Variants in WWC2 observed in about 807,000 individuals in gnomAD.
WWC2 encodes protein WWC2.
WWC2 carries 101 observed loss-of-function variants against 138.5 expected under a neutral mutation model. That is an observed-to-expected ratio of 0.73 (90% CI 0.62 to 0.86). WWC2 has a LOEUF of 0.86. WWC2 is among the 40% of genes least tolerant of loss of function. The pLI, the probability that WWC2 is intolerant of heterozygous loss-of-function variation, is 0.00. For synonymous variants in WWC2, 558 were observed against 538.4 expected (o/e 1.04, Z -0.50); for missense variants, 1,420 against 1,419.4 (o/e 1.00, Z -0.01).
At chr4:183,247,351 T>G (rs1736809745) in intron 6 of WWC2, among the ~76,000 whole-genome samples, 1 of 151,778 alleles carries the variant, frequency 6.6e-6, no homozygotes, top group African/African-American at 2.4e-5. Flanking sequence ...ACAGATGAGT[T>G]TGAAGAACAC....
chr4:183,251,565 A>G (rs940713276), intron 8 of WWC2, among the ~76,000 whole-genome samples: 1 of 151,956 alleles, frequency 6.6e-6, no homozygotes, highest in African/African-American at 2.4e-5. Flanking sequence ...AATTTGGAAC[A>G]CTCCTTCTAA....
intron 5 of WWC2, among the ~76,000 whole-genome samples, chr4:183,240,851 C>T (rs1736595313): frequency 6.6e-6 from 1 of 152,186 alleles, no homozygotes; most frequent in Non-Finnish European, 1.5e-5. Flanking sequence ...GGGCCGTTAG[C>T]AGAGCCCTAA....
intron 17 of WWC2, among the ~76,000 whole-genome samples, chr4:183,282,420 CTA>C (rs1222647382): frequency 6.6e-6 from 1 of 152,176 alleles, no homozygotes; most frequent in African/African-American, 2.4e-5. Flanking sequence ...ACATTAAACT[CTA>C]TAATGTGATT....
intron 1 of WWC2, among the ~76,000 whole-genome samples, chr4:183,163,551 G>A (rs1027529835): frequency 5.3e-5 from 8 of 152,176 alleles, no homozygotes; most frequent in Admixed American, 1.3e-4. Flanking sequence ...AATAACCTGA[G>A]TGCGAAACAG....
chr4:183,286,196 C>T (rs773315393), intron 20 of WWC2, 137 bp downstream of exon 20: 3 of 771,728 alleles, frequency 3.9e-6, no homozygotes, highest in Admixed American at 2.2e-5. Context: ...CACTGGGATA[C>T]ACAGAGACGC....
intron 1 of WWC2, among the ~76,000 whole-genome samples, chr4:183,106,196 C>G (rs901203748): frequency 2.0e-5 from 3 of 151,918 alleles, no homozygotes; most frequent in African/African-American, 7.3e-5. Context: ...GTTGGCCAGG[C>G]TAGTCTCGAA....
chr4:183,167,810 T>G (rs1411589571), intron 1 of WWC2, among the ~76,000 whole-genome samples: 1 of 151,796 alleles, frequency 6.6e-6, no homozygotes, highest in Non-Finnish European at 1.5e-5. Flanking sequence ...GTATCCTGAA[T>G]GCCAGACTAG....
At chr4:183,255,385 T>C (rs1179156015) in intron 9 of WWC2, among the ~76,000 whole-genome samples, 1 of 152,226 alleles carries the variant, frequency 6.6e-6, no homozygotes, top group African/African-American at 2.4e-5. Context: ...TTGTTGCTGT[T>C]GTTTTTCTGA....
chr4:183,298,473 A>T (rs972128778), intron 21 of WWC2, among the ~76,000 whole-genome samples: 1 of 152,212 alleles, frequency 6.6e-6, no homozygotes, highest in African/African-American at 2.4e-5. Flanking sequence ...CAGCAAGGCC[A>T]GGAGACCCAT....
At chr4:183,280,404 A>G (rs916851854) in intron 16 of WWC2, among the ~76,000 whole-genome samples, 15 of 151,948 alleles carry the variant, frequency 9.9e-5, no homozygotes, top group African/African-American at 3.4e-4. Flanking sequence ...CCTGAACTCA[A>G]TTTTAGTCTT....
At chr4:183,247,226 A>G (rs1374719563) in intron 6 of WWC2, among the ~76,000 whole-genome samples, 2 of 151,968 alleles carry the variant, frequency 1.3e-5, no homozygotes, top group African/African-American at 4.8e-5. Flanking sequence ...AATTTCACAG[A>G]AATATGCCTA....
intron 1 of WWC2, among the ~76,000 whole-genome samples, chr4:183,104,629 G>A (rs78624425): frequency 6.6e-6 from 1 of 152,148 alleles, no homozygotes; most frequent in Non-Finnish European, 1.5e-5. Context: ...AATTATTTGA[G>A]TGATTATAGT....
Position 183,284,316 on chromosome 4 carries a change from C to G in WWC2, c.2974C>G (p.Pro992Ala). The G allele has an allele frequency of 1.2e-6, 2 of 1,614,016 alleles. No homozygotes were observed. Among genetic ancestry groups the G allele is most frequent in the Non-Finnish European group, 1.7e-6 (2 of 1,179,888 alleles). ...ERSSLSSRQH[P>A]FVRSSVIVRS... ...CAGCAGCCTGAGCTCTAGACAGCAT[C>G]CGTTTGTGAGGAGCAGTGTGATAGT... Residue 992 changes from proline (P) to alanine (A), a missense_variant, in exon 19 of 23, where the codon CCG (proline) becomes GCG (alanine). By Grantham distance (27) the Pro-to-Ala change is conservative (BLOSUM62 -1). Coordinates refer to ENST00000403733, the MANE Select transcript of WWC2 (RefSeq NM_024949.6).
Position 183,311,267 on chromosome 4 carries a change from A to G in WWC2, c.3385-1074A>G, listed in dbSNP as rs545092699. Among the ~76,000 whole-genome samples the G allele has an allele frequency of 1.1e-4, 16 of 152,370 alleles. 1 individual carries two copies. The South Asian group carries it at 3.3e-3, about 32-fold the overall frequency. On this transcript the variant is annotated intron_variant, in intron 21 of 22. Coordinates refer to ENST00000403733, the MANE Select transcript of WWC2 (RefSeq NM_024949.6). ...TACCCAAATGTTCATTATTACTAAC[A>G]GATGATAAATTGTAGTAAAGTCATA... is the stretch of plus-strand genomic sequence containing the variant.
chr4:183,119,432 A>G (rs1037694632), intron 1 of WWC2, among the ~76,000 whole-genome samples: 3 of 152,268 alleles, frequency 2.0e-5, no homozygotes, highest in Admixed American at 1.3e-4. Flanking sequence ...TCAGGTCACT[A>G]TTGAGAATGA....
Position 183,250,075 on chromosome 4 carries a change from C to G in WWC2, c.953+82C>G, listed in dbSNP as rs538499836. ...ATCTTTACTCCTGTGGTGACATCTG[C>G]TGGGCACTCCCCATACATTCTTACC... On this transcript the variant is annotated intron_variant, in intron 8 of 22. Transcript: ENST00000403733. 289 of 1,262,648 alleles carry G rather than the reference C, an allele frequency of 2.3e-4. 4 individuals are homozygous for G. The South Asian group carries it at 3.6e-3, about 16-fold the overall frequency. 78.2% of individuals were successfully genotyped at this position (1,262,648 alleles called of 1,614,324 possible). A position where few individuals can be genotyped will look rare whatever the true frequency, so the allele number is the denominator to read the frequency against.
At chr4:183,286,132 C>A in intron 20 of WWC2, 73 bp downstream of exon 20, 2 of 1,339,826 alleles carry the variant, frequency 1.5e-6, no homozygotes, top group South Asian at 1.3e-5. Flanking sequence ...GCACAAACTC[C>A]AGAACTACAG....
intron 20 of WWC2, among the ~76,000 whole-genome samples, chr4:183,288,786 G>A (rs998631769): frequency 6.6e-6 from 1 of 152,200 alleles, no homozygotes; most frequent in Non-Finnish European, 1.5e-5. Context: ...GGGAAATCAA[G>A]GAAGGCAACT....
intron 6 of WWC2, among the ~76,000 whole-genome samples, chr4:183,248,371 G>A (rs1276125445): frequency 6.6e-6 from 1 of 152,156 alleles, no homozygotes; most frequent in Non-Finnish European, 1.5e-5. Flanking sequence ...AATTTCAGCT[G>A]CATGAAGTGA....
Sources: gnomAD v4.1 joint callset for allele counts (sites outside exome capture counted in the v4.1 genomes callset) on GRCh38, gnomAD v4.1.1 for gene constraint, MANE v1.5 for transcripts, NCBI Gene and HGNC (gene_info 2026-07-23, HGNC 2026-07-21) for gene names.